ZC3H12B: variants seen among roughly 807,000 people sequenced by gnomAD.
ZC3H12B encodes the protein probable ribonuclease ZC3H12B.
In ZC3H12B, 7 loss-of-function variants were observed where a neutral mutation model predicts 43.9. The observed-to-expected ratio is 0.16, with a 90% confidence interval of 0.09 to 0.30. The LOEUF is 0.30. Among genes scored for constraint, ZC3H12B ranks in the 10% least tolerant of loss-of-function variants. The pLI is 1.00. For synonymous variants in ZC3H12B, 222 were observed against 241.7 expected (o/e 0.92, Z 0.76); for missense variants, 475 against 670.2 (o/e 0.71, Z 3.22).
the ZC3H12B span, among the ~76,000 whole-genome samples, chrX:65,117,967 T>A: frequency 1.3e-4 from 14 of 111,593 alleles, no homozygotes; most frequent in Non-Finnish European, 2.6e-4. Context: ...TACTGTAGCC[T>A]TGTAGTATAG....
At chrX:65,383,300 A>G (rs940922358) in intron 2 of ZC3H12B, among the ~76,000 whole-genome samples, 6 of 111,877 alleles carry the variant, frequency 5.4e-5, no homozygotes, top group Non-Finnish European at 1.1e-4. Context: ...TTAATGCCGC[A>G]TATCTACAAC....
chrX:65,229,929 T>C, the ZC3H12B span, among the ~76,000 whole-genome samples: 1 of 111,614 alleles, frequency 9.0e-6, no homozygotes, highest in African/African-American at 3.3e-5. Flanking sequence ...ACTTTTACAC[T>C]GTTGGTGGGA....
intron 3 of ZC3H12B, among the ~76,000 whole-genome samples, chrX:65,400,514 T>C (rs1461917662): frequency 8.9e-6 from 1 of 112,140 alleles, no homozygotes; most frequent in Non-Finnish European, 1.9e-5. Flanking sequence ...GTCTAACAAA[T>C]TGTATTGAAT....
At chrX:65,162,192 C>A in the ZC3H12B span, among the ~76,000 whole-genome samples, 1 of 110,973 alleles carries the variant, frequency 9.0e-6, no homozygotes, top group South Asian at 3.9e-4. Context: ...CTCTGGCTGC[C>A]CTTAACATTT....
chrX:65,449,310 C>T (rs1185107363), intron 3 of ZC3H12B, among the ~76,000 whole-genome samples: 1 of 110,971 alleles, frequency 9.0e-6, no homozygotes, highest in Non-Finnish European at 1.9e-5. Flanking sequence ...ACTTAAAATA[C>T]ATGTTGAAGA....
intron 4 of ZC3H12B, 46 bp from the exon 10 acceptor site, chrX:65,501,743 G>T (rs1440655500): frequency 1.9e-6 from 2 of 1,080,161 alleles, no homozygotes; most frequent in South Asian, 2.3e-5. Flanking sequence ...GGCACAGAGG[G>T]TTCCATCACT....
the ZC3H12B span, among the ~76,000 whole-genome samples, chrX:65,114,832 G>A: frequency 9.5e-6 from 1 of 104,809 alleles, no homozygotes; most frequent in South Asian, 4.2e-4. Context: ...CTCAGATTAT[G>A]AACTTGAGAC....
the ZC3H12B span, among the ~76,000 whole-genome samples, chrX:65,174,408 G>A: frequency 8.9e-6 from 1 of 112,569 alleles, no homozygotes; most frequent in African/African-American, 3.2e-5. Context: ...CTCTGAAGAT[G>A]TGCCAAGATC....
At chrX:65,290,943 G>C in the ZC3H12B span, among the ~76,000 whole-genome samples, 3 of 111,416 alleles carry the variant, frequency 2.7e-5, no homozygotes, top group African/African-American at 9.8e-5. Context: ...ATGTTTGATA[G>C]CAGAGTAAGA....
chrX:65,046,269 G>A, the ZC3H12B span, among the ~76,000 whole-genome samples: 4 of 111,920 alleles, frequency 3.6e-5, no homozygotes, highest in Admixed American at 2.8e-4. Context: ...ATCTTCTTCC[G>A]ATAGAAGGCT....
the ZC3H12B span, among the ~76,000 whole-genome samples, chrX:65,338,695 A>C: frequency 8.9e-6 from 1 of 112,506 alleles, no homozygotes; most frequent in African/African-American, 3.2e-5. Context: ...CCTGGGATAC[A>C]AGGTTGGTTC....
the ZC3H12B span, among the ~76,000 whole-genome samples, chrX:65,296,548 A>G: frequency 9.0e-6 from 1 of 111,318 alleles, no homozygotes; most frequent in Non-Finnish European, 1.9e-5. Context: ...AGGACCAGAG[A>G]GATTCACAGC....
chrX:65,502,301 C>G lies in ZC3H12B; in HGVS notation c.1603C>G (p.Pro535Ala), dbSNP rs757455963. The change falls in exon 5 of 5, where the codon CCA becomes GCA. Residue 535 changes from proline to alanine, a missense_variant. Transcript: ENST00000338957. Reference sequence around the variant, plus strand: ...CCCTATTAGCTATGCTGAGCAATACCCAAAGTTTGAATCCATGGGGGACCA... The same window carrying G: ...CCCTATTAGCTATGCTGAGCAATACGCAAAGTTTGAATCCATGGGGGACCA... The G allele has an allele frequency of 9.1e-6, 11 of 1,211,337 alleles. No individual in the cohort carries two copies. The South Asian group carries it at 1.4e-4, about 15-fold the overall frequency.
At chrX:65,155,703 TA>T in the ZC3H12B span, among the ~76,000 whole-genome samples, 1 of 110,056 alleles carries the variant, frequency 9.1e-6, no homozygotes, top group African/African-American at 3.3e-5. Flanking sequence ...AAAATAAAAA[TA>T]AAAAAATTAG....
At chrX:65,084,360 G>C in the ZC3H12B span, among the ~76,000 whole-genome samples, 1 of 111,613 alleles carries the variant, frequency 9.0e-6, no homozygotes, top group African/African-American at 3.3e-5. Context: ...GTATGAATCT[G>C]ACAAGGGATT....
At chrX:65,181,324 C>T in the ZC3H12B span, among the ~76,000 whole-genome samples, 1 of 111,388 alleles carries the variant, frequency 9.0e-6, no homozygotes, top group East Asian at 2.8e-4. Context: ...TAGGCAATAC[C>T]ATTCAGGACA....
At chrX:65,047,681 G>A in the ZC3H12B span, among the ~76,000 whole-genome samples, 2 of 110,610 alleles carry the variant, frequency 1.8e-5, no homozygotes, top group Non-Finnish European at 3.8e-5. Flanking sequence ...ATTAGTATAT[G>A]TACTGGTATT....
intron 3 of ZC3H12B, among the ~76,000 whole-genome samples, chrX:65,451,448 A>G (rs1361957504): frequency 1.8e-5 from 2 of 110,766 alleles, no homozygotes; most frequent in Non-Finnish European, 3.8e-5. Context: ...TTATATTGCT[A>G]TTTTGATTGG....
At chrX:65,212,180 A>G in the ZC3H12B span, among the ~76,000 whole-genome samples, 17 of 49,700 alleles carry the variant, frequency 3.4e-4, no homozygotes, top group African/African-American at 1.2e-3. Context: ...AATATTATAT[A>G]TTATATATTA....
Sources: gnomAD v4.1 joint callset for allele counts (sites outside exome capture counted in the v4.1 genomes callset) on GRCh38, gnomAD v4.1.1 for gene constraint, MANE v1.5 for transcripts, NCBI Gene and HGNC (gene_info 2026-07-23, HGNC 2026-07-21) for gene names.